Variants in ARMC3 observed in about 807,000 individuals in gnomAD.
ARMC3 encodes armadillo repeat-containing protein 3.
A neutral mutation model predicts 90.3 loss-of-function variants in ARMC3; 74 were observed. That is an observed-to-expected ratio of 0.82 (90% CI 0.68 to 0.99). The LOEUF (loss-of-function observed/expected upper bound fraction) is 0.99. Among genes scored for constraint, ARMC3 ranks in the 50% least tolerant of loss-of-function variants. The probability of loss-of-function intolerance (pLI) is 0.00; values close to 1 mark genes in which losing one functional copy is unlikely to be tolerated. For synonymous variants in ARMC3, 334 were observed against 361.8 expected (o/e 0.92, Z 0.87); for missense variants, 958 against 1,042.8 (o/e 0.92, Z 1.12).
intron 16 of ARMC3, 29 bp downstream of exon 16, chr10:23,008,960 C>A: frequency 6.3e-7 from 1 of 1,582,960 alleles, no homozygotes; most frequent in Non-Finnish European, 8.7e-7. Flanking sequence ...TTCCTCATTA[C>A]CCAGCCAGGC....
rs981154249 is a variant in ARMC3, at chr10:23,030,755, G to A, written c.2205G>A (p.Leu735=). Residue 735 remains leucine, a synonymous_variant, in exon 17 of 19, where the codon CTG becomes CTA. Coordinates refer to ENST00000298032, the MANE Select transcript of ARMC3 (RefSeq NM_173081.5). ...TGTATGAGGTGACCAAATCAATACT[G>A]CCAATAACCAATATTAAGGAACAGA... ...MYVYEVTKSI[L]PITNIKEQIE... is the part of the protein sequence containing the mutation. 8 of 1,613,514 alleles carry A rather than the reference G, an allele frequency of 5.0e-6. No homozygotes were observed. The highest frequency in any genetic ancestry group is 6.8e-6 in the Non-Finnish European group (8 of 1,179,714).
intron 4 of ARMC3, among the ~76,000 whole-genome samples, chr10:22,956,580 G>C (rs974776051): frequency 6.6e-6 from 1 of 151,884 alleles, no homozygotes; most frequent in African/African-American, 2.4e-5. Flanking sequence ...TCCAGCCTGG[G>C]TGACAGAGTG....
chr10:22,987,979 C>T (rs1038749153), intron 10 of ARMC3, among the ~76,000 whole-genome samples: 5 of 152,054 alleles, frequency 3.3e-5, no homozygotes, highest in African/African-American at 9.7e-5. Flanking sequence ...TGGTCAGGAC[C>T]GCACAAGGGA....
rs144543991 is a variant in ARMC3, at chr10:22,929,109, C to T, written c.-2+1003C>T. 5.0e-3 allele frequency among the ~76,000 whole-genome samples: 762 copies of T among 151,996 alleles called. 10 individuals carry two copies. The highest frequency in any genetic ancestry group is 0.017 in the African/African-American group (708 of 41,428). ...AGCGTGGTGGCGGGTACCTGTAATCCCAGCTACTCAGGAGGCTGAGGCAGG... is the reference window on the plus strand; with the variant it reads ...AGCGTGGTGGCGGGTACCTGTAATCTCAGCTACTCAGGAGGCTGAGGCAGG... On this transcript the variant is annotated intron_variant, in intron 1 of 18. Transcript: ENST00000298032.
At chr10:23,010,094 G>A (rs1230191318) in intron 16 of ARMC3, among the ~76,000 whole-genome samples, 1 of 151,780 alleles carries the variant, frequency 6.6e-6, no homozygotes, top group East Asian at 1.9e-4. Context: ...ATCCATCCCT[G>A]TGGTTCCAGT....
chr10:22,951,071 G>A (rs1564346967), intron 3 of ARMC3, among the ~76,000 whole-genome samples: 2 of 151,750 alleles, frequency 1.3e-5, no homozygotes, highest in Non-Finnish European at 2.9e-5. Context: ...CCAAGTAGCT[G>A]GGACTACAGG....
intron 7 of ARMC3, among the ~76,000 whole-genome samples, chr10:22,965,511 G>T (rs1173563046): frequency 6.6e-6 from 1 of 152,100 alleles, no homozygotes; most frequent in Admixed American, 6.6e-5. Context: ...CTTCTGCATG[G>T]AAGTGATATA....
chr10:22,938,618 G>C (rs1834204823), intron 2 of ARMC3, among the ~76,000 whole-genome samples: 1 of 152,250 alleles, frequency 6.6e-6, no homozygotes, highest in South Asian at 2.1e-4. Flanking sequence ...AGGTCGAGCT[G>C]GCAGGATGTG....
intron 2 of ARMC3, among the ~76,000 whole-genome samples, chr10:22,943,352 C>T (rs1354238124): frequency 6.6e-6 from 1 of 151,870 alleles, no homozygotes; most frequent in East Asian, 1.9e-4. Flanking sequence ...TTTTCTGTCC[C>T]TTTTCTGAGT....
intron 10 of ARMC3, 36 bp downstream of exon 10, chr10:22,981,736 G>A (rs1203744659): frequency 1.3e-6 from 2 of 1,538,460 alleles, no homozygotes. Flanking sequence ...ACTGACTTGT[G>A]GGACAATTCA....
chr10:23,003,330 TAACAATCTTTCCCTGAAATAC>T lies in ARMC3; in HGVS notation c.1649_1669del (p.Asn550_Tyr556del). On this transcript the variant is annotated inframe_deletion, in exon 13 of 19. Transcript: ENST00000298032. ...AGGCAGCTTATAATAAGTTGCTCAATAACAATCTTTCCCTGAAATACAGCCAGACTGGCTATTTGTCATCAA... is the reference window on the plus strand; with the variant it reads ...AGGCAGCTTATAATAAGTTGCTCAATAGCCAGACTGGCTATTTGTCATCAA... 6.2e-7 allele frequency: 1 copy of T among 1,613,684 alleles called. No homozygotes were observed. Among genetic ancestry groups the T allele is most frequent in the African/African-American group, 1.3e-5 (1 of 75,068 alleles).
chr10:22,931,579 G>T (rs952331419), intron 1 of ARMC3, among the ~76,000 whole-genome samples: 16 of 152,242 alleles, frequency 1.1e-4, no homozygotes, highest in Admixed American at 3.3e-4. Context: ...TAGGTATTTA[G>T]GATAGATCAG....
chr10:23,035,919 A>G, intron 18 of ARMC3, among the ~76,000 whole-genome samples: 1 of 152,152 alleles, frequency 6.6e-6, no homozygotes, highest in East Asian at 1.9e-4. Context: ...GAAAACAGGG[A>G]GTTTCAGATG....
intron 3 of ARMC3, among the ~76,000 whole-genome samples, chr10:22,948,710 A>G (rs1435394930): frequency 6.6e-6 from 1 of 152,130 alleles, no homozygotes; most frequent in Admixed American, 6.5e-5. Context: ...TTGACTTTAG[A>G]GAGCTTTTTG....
In ARMC3 at chr10:22,987,503, T is replaced by C. The variant is rs183050499; in HGVS notation, c.1175+5803T>C. Among the ~76,000 whole-genome samples, 157 of 152,348 alleles carry C rather than the reference T, an allele frequency of 1.0e-3. 1 individual carries two copies. The highest frequency in any genetic ancestry group is 5.6e-3 in the Admixed American group (86 of 15,308). On this transcript the variant is annotated intron_variant, in intron 10 of 18. Transcript: ENST00000298032. ...TGTTCAGAACTAATAAAGATTAGTA[T>C]AAATGTTGGCTAGACAGTTTTCAAA...
chr10:23,003,374 C>T lies in ARMC3; in HGVS notation c.1691C>T (p.Ser564Leu), dbSNP rs1837412276. 5.0e-6 allele frequency: 8 copies of T among 1,611,336 alleles called. No individual in the cohort carries two copies. Among genetic ancestry groups the T allele is most frequent in the Non-Finnish European group, 6.8e-6 (8 of 1,178,856 alleles). The stretch of plus-strand genomic sequence containing the variant: ...TACAGCCAGACTGGCTATTTGTCAT[C>T]AAGTAACATAATTAACGATGGATTC... ...LKYSQTGYLSSSNIINDGFYD... is the reference protein window; with the variant it reads ...LKYSQTGYLSLSNIINDGFYD... The change falls in exon 13 of 19, where the codon TCA (serine) becomes TTA (leucine). Residue 564 changes from serine to leucine, a missense_variant. Transcript: ENST00000298032.
intron 16 of ARMC3, among the ~76,000 whole-genome samples, chr10:23,015,036 G>A (rs1219178240): frequency 6.6e-6 from 1 of 152,142 alleles, no homozygotes; most frequent in African/African-American, 2.4e-5. Context: ...GAGAGATACT[G>A]ACAGAATAAT....
At position 22,998,304 on chromosome 10, in the gene ARMC3, C is replaced by T. The variant is rs1218935067; in HGVS notation, c.1332C>T (p.Ile444=). The change falls in exon 11 of 19, where the codon ATC becomes ATT. Residue 444 remains isoleucine, a synonymous_variant. Coordinates refer to ENST00000298032, the MANE Select transcript of ARMC3 (RefSeq NM_173081.5). Reference sequence around the variant, plus strand: ...AGAATCACGACATCATGCATGCCATCATCAGCCCACTGCGTTCTGCAAACA... The same window carrying T: ...AGAATCACGACATCATGCATGCCATTATCAGCCCACTGCGTTCTGCAAACA... ...NIQNHDIMHA[I]ISPLRSANTV... The T allele has an allele frequency of 6.2e-7, 1 of 1,612,680 alleles. No individual in the cohort carries two copies. Among genetic ancestry groups the T allele is most frequent in the African/African-American group, 1.3e-5 (1 of 74,934 alleles).
chr10:23,003,546 G>T, intron 13 of ARMC3, 132 bp downstream of exon 13: 1 of 796,682 alleles, frequency 1.3e-6, no homozygotes, highest in Non-Finnish European at 1.8e-6. Context: ...TTGAAAATCA[G>T]CACTTCATTC....
Sources: allele counts gnomAD v4.1 joint callset (sites outside exome capture counted in the v4.1 genomes callset), GRCh38; gene constraint gnomAD v4.1.1; transcripts MANE v1.5; gene names NCBI Gene and HGNC (gene_info 2026-07-23, HGNC 2026-07-21).